RAB3C: variants seen among roughly 807,000 people sequenced by gnomAD.
RAB3C encodes the protein RAB3C, member RAS oncogene family.
In RAB3C, 17 loss-of-function variants were observed where a neutral mutation model predicts 26.4. That is an observed-to-expected ratio of 0.64 (90% confidence interval 0.44 to 0.97). The LOEUF is 0.97. Among genes scored for constraint, RAB3C ranks in the 50% least tolerant of loss-of-function variants. The pLI, the probability that RAB3C is intolerant of heterozygous loss-of-function variation, is 0.00. For synonymous variants in RAB3C, 91 were observed against 95.9 expected (o/e 0.95, Z 0.30); for missense variants, 242 against 281.9 (o/e 0.86, Z 1.01).
At chr5:58,621,709 G>T (rs1296861718) in intron 2 of RAB3C, among the ~76,000 whole-genome samples, 2 of 152,126 alleles carry the variant, frequency 1.3e-5, no homozygotes, top group African/African-American at 4.8e-5. Flanking sequence ...CAGAGTAGCT[G>T]GGATTACAGG....
At chr5:58,800,883 GA>G (rs928446050) in intron 3 of RAB3C, among the ~76,000 whole-genome samples, 3 of 152,136 alleles carry the variant, frequency 2.0e-5, no homozygotes, top group African/African-American at 7.2e-5. Context: ...CATTCTTAGT[GA>G]AAATATGGAC....
At chr5:58,840,873 G>A (rs904273196) in intron 4 of RAB3C, among the ~76,000 whole-genome samples, 1 of 152,184 alleles carries the variant, frequency 6.6e-6, no homozygotes, top group Non-Finnish European at 1.5e-5. Flanking sequence ...AGTCACTGGG[G>A]TTGGAGCTAT....
chr5:58,628,931 G>A (rs1245100668), intron 2 of RAB3C, among the ~76,000 whole-genome samples: 2 of 143,674 alleles, frequency 1.4e-5, no homozygotes, highest in Admixed American at 7.2e-5. Flanking sequence ...GCTCATGCCT[G>A]TAATCCTGAC....
intron 3 of RAB3C, among the ~76,000 whole-genome samples, chr5:58,752,393 C>T (rs909532431): frequency 4.0e-5 from 6 of 151,624 alleles, no homozygotes; most frequent in Non-Finnish European, 7.4e-5. Flanking sequence ...AAGGAACATC[C>T]TTGAAAACAA....
At chr5:58,695,362 C>T (rs158983) in intron 2 of RAB3C, among the ~76,000 whole-genome samples, 81,406 of 151,964 alleles carry the variant, frequency 0.54, 22,048 homozygotes, top group Non-Finnish European at 0.59. Flanking sequence ...AGCGTGATGC[C>T]TCCAGCTTTG....
Position 58,851,322 on chromosome 5 carries a change from C to T in RAB3C, c.655C>T (p.Pro219Ser), listed in dbSNP as rs764132162. The change falls in exon 5 of 5, where the codon CCT becomes TCT. Residue 219 changes from proline (P) to serine (S), a missense_variant. Physicochemically the swap from Pro to Ser is moderately conservative, Grantham distance 74 (BLOSUM62 -1). Transcript: ENST00000282878. ...KQNTRLKETPPPPQPNCAC is the reference protein window; with the variant it reads ...KQNTRLKETPSPPQPNCAC Reference sequence around the variant, plus strand: ...GAACACGAGACTCAAGGAAACTCCTCCTCCACCGCAGCCCAACTGTGCCTG... The same window carrying T: ...GAACACGAGACTCAAGGAAACTCCTTCTCCACCGCAGCCCAACTGTGCCTG... 6 of 1,609,640 alleles carry T rather than the reference C, an allele frequency of 3.7e-6. No homozygotes were observed. The South Asian group carries it at 4.4e-5, about 12-fold the overall frequency.
chr5:58,797,350 AAAAATATGTATATATATAAT>A (rs1266534997), intron 3 of RAB3C, among the ~76,000 whole-genome samples: 244 of 10,726 alleles, frequency 0.023, 10 homozygotes, highest in African/African-American at 0.087. Context: ...AAAAAAAAAA[AAAAATATGTATATATATAAT>A]ATATATATAT....
chr5:58,741,949 A>G (rs1002944332), intron 3 of RAB3C: 3 of 151,994 alleles, frequency 2.0e-5, no homozygotes, highest in Non-Finnish European at 2.9e-5. Context: ...GGTTGCAGTG[A>G]GCTGAGAAAG....
chr5:58,848,786 A>AT (rs930682934), intron 4 of RAB3C, among the ~76,000 whole-genome samples: 10 of 152,024 alleles, frequency 6.6e-5, no homozygotes, highest in Admixed American at 2.0e-4. Context: ...GAAATTAAGG[A>AT]TTTTTTTTAA....
At chr5:58,656,536 T>G (rs1747775524) in intron 2 of RAB3C, among the ~76,000 whole-genome samples, 1 of 152,204 alleles carries the variant, frequency 6.6e-6, no homozygotes, top group African/African-American at 2.4e-5. Flanking sequence ...AAAATAAAAA[T>G]GTAATGCTAA....
At chr5:58,751,590 G>A (rs1259716426) in intron 3 of RAB3C, among the ~76,000 whole-genome samples, 1 of 152,188 alleles carries the variant, frequency 6.6e-6, no homozygotes, top group African/African-American at 2.4e-5. Context: ...CTGCACATTG[G>A]ATACAAAGAA....
chr5:58,739,398 A>G (rs948853576), intron 3 of RAB3C, among the ~76,000 whole-genome samples: 5 of 152,184 alleles, frequency 3.3e-5, no homozygotes, highest in Admixed American at 2.0e-4. Flanking sequence ...ATTCCTTTCT[A>G]TAGCTGGAGA....
intron 2 of RAB3C, among the ~76,000 whole-genome samples, chr5:58,657,675 C>T (rs1374679031): frequency 6.6e-6 from 1 of 152,100 alleles, no homozygotes; most frequent in Non-Finnish European, 1.5e-5. Flanking sequence ...ATAGGCTGTG[C>T]TGAGAAGGTC....
chr5:58,589,810 A>G (rs1043205495), intron 1 of RAB3C, among the ~76,000 whole-genome samples: 6 of 152,200 alleles, frequency 3.9e-5, no homozygotes, highest in African/African-American at 1.2e-4. Flanking sequence ...TAATTACAAT[A>G]CCTCTTAAAA....
intron 1 of RAB3C, among the ~76,000 whole-genome samples, chr5:58,584,780 TGATA>T (rs1325166208): frequency 2.0e-5 from 3 of 152,138 alleles, no homozygotes; most frequent in African/African-American, 7.2e-5. Flanking sequence ...ATGTATGCAC[TGATA>T]TTTTTTCAAT....
In RAB3C at chr5:58,633,996, C is replaced by G. The variant is rs532927291; in HGVS notation, c.252+16126C>G. Among the ~76,000 whole-genome samples the G allele has an allele frequency of 4.0e-5, 6 of 150,622 alleles. No homozygotes were observed. In the South Asian group the frequency reaches 6.3e-4, roughly 16 times the overall value. ...AAAATACAAAAAAAAAAAAAATTAG[C>G]CGGGCATGGTGGCTGGTGCCTGTAG... is the stretch of plus-strand genomic sequence containing the variant. On this transcript the variant is annotated intron_variant, in intron 2 of 4. Coordinates refer to ENST00000282878, the MANE Select transcript of RAB3C (RefSeq NM_138453.4).
chr5:58,749,831 AAAC>A (rs944106016), intron 3 of RAB3C, among the ~76,000 whole-genome samples: 3 of 152,148 alleles, frequency 2.0e-5, no homozygotes, highest in South Asian at 2.1e-4. Context: ...TTAGTAAAAC[AAAC>A]AACAACAACA....
intron 3 of RAB3C, among the ~76,000 whole-genome samples, chr5:58,821,709 G>C (rs1743346399): frequency 6.6e-6 from 1 of 152,158 alleles, no homozygotes; most frequent in Non-Finnish European, 1.5e-5. Context: ...TATTTCCCCA[G>C]ATAATTTAAT....
At chr5:58,644,047 C>A (rs1747467455) in intron 2 of RAB3C, among the ~76,000 whole-genome samples, 1 of 152,126 alleles carries the variant, frequency 6.6e-6, no homozygotes, top group Non-Finnish European at 1.5e-5. Flanking sequence ...TCTCGAACTC[C>A]TGACCTCAGG....
Sources: allele counts gnomAD v4.1 joint callset (sites outside exome capture counted in the v4.1 genomes callset), GRCh38; gene constraint gnomAD v4.1.1; transcripts MANE v1.5; gene names NCBI Gene and HGNC (gene_info 2026-07-23, HGNC 2026-07-21).